The following SYDE1 variants were observed in gnomAD, a reference collection of about 807,000 sequenced individuals.
SYDE1 encodes synapse defective Rho GTPase activating protein 1, also known as rho GTPase-activating protein SYDE1.
Under a neutral mutation model 63.3 loss-of-function variants are expected in SYDE1, and 34 were observed. The ratio of observed to expected loss-of-function variants is 0.54; its 90% CI spans 0.41 to 0.71. The LOEUF (loss-of-function observed/expected upper bound fraction) is 0.71, where lower values mean the gene tolerates loss of function less well. Ranked by LOEUF, SYDE1 falls within the 30% of genes least tolerant of loss-of-function variation. The probability of loss-of-function intolerance (pLI) is 0.00; values close to 1 mark genes in which losing one functional copy is unlikely to be tolerated. For synonymous variants in SYDE1, 467 were observed against 473.4 expected (o/e 0.99, Z 0.18); for missense variants, 925 against 1,042.5 (o/e 0.89, Z 1.55).
At position 15,109,382 on chromosome 19, in the gene SYDE1, G is replaced by A. The variant is rs767987756; in HGVS notation, c.415G>A (p.Gly139Ser). The change falls in exon 2 of 8, where the codon GGC (glycine) becomes AGC (serine). Residue 139 changes from glycine (G) to serine (S), a missense_variant. Physicochemically the swap from Gly to Ser is moderately conservative, Grantham distance 56 (BLOSUM62 0). Coordinates refer to ENST00000342784, the MANE Select transcript of SYDE1 (RefSeq NM_033025.6). This position sits in a 1 kb window ranked among gnomAD's most constrained non-coding sequence, Gnocchi z 5.0. ...ACAGCCTGGCTCAGCTGAGTCAGAG[G>A]GCCTGGCCCCCCAAGGTAAGAACAA... ...GPQPGSAESEGLAPQGAAPAS... is the reference protein window; with the variant it reads ...GPQPGSAESESLAPQGAAPAS... The A allele has an allele frequency of 1.9e-6, 3 of 1,551,498 alleles. No individual in the cohort carries two copies. The highest frequency in any genetic ancestry group is 2.6e-6 in the Non-Finnish European group (3 of 1,150,704).
Position 15,107,418 on chromosome 19 carries a change from C to T in SYDE1, c.-16C>T, listed in dbSNP as rs1284423180. 2.3e-6 allele frequency: 3 copies of T among 1,295,358 alleles called. No individual in the cohort carries two copies. Among genetic ancestry groups the T allele is most frequent in the Non-Finnish European group, 1.0e-6 (1 of 991,986 alleles). The allele number at this position is 1,295,358 out of a possible 1,614,324, so 80.2% of individuals were successfully genotyped here. A position where few individuals can be genotyped will look rare whatever the true frequency, so the allele number is the denominator to read the frequency against. ...CCCGGGGCGCGCACTCGGCTCGGCC[C>T]GGCCCGGGCCGCAGCATGGCCGAGC... On this transcript the variant is annotated 5_prime_UTR_variant, in exon 1 of 8. Coordinates refer to ENST00000342784, the MANE Select transcript of SYDE1 (RefSeq NM_033025.6).
chr19:15,107,463 C>A lies in SYDE1; in HGVS notation c.30C>A (p.Phe10Leu), dbSNP rs762803794. 4 of 1,522,814 alleles carry A rather than the reference C, an allele frequency of 2.6e-6. No individual in the cohort carries two copies. In the East Asian group the frequency reaches 1.0e-4, roughly 39 times the overall value. The allele number at this position is 1,522,814 out of a possible 1,614,324, so 94.3% of individuals were successfully genotyped here. MAEPLLRKT[F>L]SRLRGREKLP... is the part of the protein sequence containing the mutation. ...CCGAGCCGCTACTCAGGAAAACCTT[C>A]TCCCGCCTGCGGGGCCGGGAGAAAC... Residue 10 changes from phenylalanine to leucine, a missense_variant, in exon 1 of 8, where the codon TTC (phenylalanine) becomes TTA (leucine). By Grantham distance (22) the Phe-to-Leu change is conservative. This residue lies in a region of SYDE1 where 599 missense variants were observed against 653.7 expected (regional missense o/e 0.92). Transcript: ENST00000342784.
At position 15,111,313 on chromosome 19, in the gene SYDE1, G is replaced by A. The variant is rs2046344294; in HGVS notation, c.1291G>A (p.Val431Ile). The A allele has an allele frequency of 6.2e-7, 1 of 1,614,110 alleles. No individual in the cohort carries two copies. Among genetic ancestry groups the A allele is most frequent in the East Asian group, 2.2e-5 (1 of 44,872 alleles). Residue 431 changes from valine to isoleucine, a missense_variant and splice_region_variant, in exon 5 of 8, where the codon GTA becomes ATA. By Grantham distance (29) the Val-to-Ile change is conservative. This residue lies in a region of SYDE1 where 599 missense variants were observed against 653.7 expected (regional missense o/e 0.92). Coordinates refer to ENST00000342784, the MANE Select transcript of SYDE1 (RefSeq NM_033025.6). The surrounding 1 kb of genome is among the most constrained non-coding windows in gnomAD (Gnocchi z 5.5). The part of the protein sequence containing the change: ...VGQIERRGLR[V>I]VGLYRLCGSA... Reference sequence around the variant, plus strand: ...ATTCACTCTCTCTTCCCACCCCCAGGTAGTGGGACTGTACCGTCTTTGTGG... The same window carrying A: ...ATTCACTCTCTCTTCCCACCCCCAGATAGTGGGACTGTACCGTCTTTGTGG...
rs1440506602 is a variant in SYDE1, at chr19:15,114,142, G to C, written c.*179G>C. ...ACTCATTCCCAGTTTCCAGGGCCCG[G>C]TATTTGGACACTAGTTGCCAAGTCT... On this transcript the variant is annotated 3_prime_UTR_variant, in exon 8 of 8. Transcript: ENST00000342784. The C allele has an allele frequency of 1.6e-6, 1 of 627,220 alleles. No homozygotes were observed. Among genetic ancestry groups the C allele is most frequent in the South Asian group, 2.0e-5 (1 of 49,280 alleles). The allele number at this position is 627,220 out of a possible 1,614,324, so 38.9% of individuals were successfully genotyped here. A position where few individuals can be genotyped will look rare whatever the true frequency, so the allele number is the denominator to read the frequency against.
At position 15,114,115 on chromosome 19, in the gene SYDE1, A is replaced by G; in HGVS notation, c.*152A>G. On this transcript the variant is annotated 3_prime_UTR_variant, in exon 8 of 8. Transcript: ENST00000342784. ...ACGGGACCAGTCGCGTGTATGGCTG[A>G]GACTCATTCCCAGTTTCCAGGGCCC... is the stretch of plus-strand genomic sequence containing the variant. 1.4e-6 allele frequency: 1 copy of G among 739,352 alleles called. No individual in the cohort carries two copies. The highest frequency in any genetic ancestry group is 2.2e-6 in the Non-Finnish European group (1 of 454,614). 45.8% of individuals were successfully genotyped at this position (739,352 alleles called of 1,614,324 possible).
Position 15,114,102 on chromosome 19 carries a change from G to A in SYDE1, c.*139G>A, listed in dbSNP as rs1038867594. ...CCAGCGAGTTACCACGGGACCAGTCGCGTGTATGGCTGAGACTCATTCCCA... is the reference window on the plus strand; with the variant it reads ...CCAGCGAGTTACCACGGGACCAGTCACGTGTATGGCTGAGACTCATTCCCA... On this transcript the variant is annotated 3_prime_UTR_variant, in exon 8 of 8. Coordinates refer to ENST00000342784, the MANE Select transcript of SYDE1 (RefSeq NM_033025.6). 16 of 808,078 alleles carry A rather than the reference G, an allele frequency of 2.0e-5. No homozygotes were observed. Among genetic ancestry groups the A allele is most frequent in the South Asian group, 3.4e-5 (2 of 59,394 alleles). 50.1% of individuals were successfully genotyped at this position (808,078 alleles called of 1,614,324 possible). A position where few individuals can be genotyped will look rare whatever the true frequency, so the allele number is the denominator to read the frequency against.
chr19:15,112,383 TCTC>T lies in SYDE1; in HGVS notation c.1622_1624del (p.Ser541del). The T allele has an allele frequency of 6.3e-7, 1 of 1,589,930 alleles. No homozygotes were observed. Among genetic ancestry groups the T allele is most frequent in the Non-Finnish European group, 8.6e-7 (1 of 1,168,084 alleles). On this transcript the variant is annotated inframe_deletion, in exon 7 of 8. Coordinates refer to ENST00000342784, the MANE Select transcript of SYDE1 (RefSeq NM_033025.6). ...CTTCTCCTGGACCACCTGCGCCTCGTCTCCTCCTTCCATGCCTACAACCGCATG... is the reference window on the plus strand; with the variant it reads ...CTTCTCCTGGACCACCTGCGCCTCGTCTCCTTCCATGCCTACAACCGCATG...
rs1294618872 is a variant in SYDE1 at position 15,109,908 on chromosome 19, G to A, written c.635G>A (p.Gly212Asp). The A allele has an allele frequency of 3.4e-6, 5 of 1,466,252 alleles. No homozygotes were observed. Among genetic ancestry groups the A allele is most frequent in the East Asian group, 5.3e-5 (2 of 37,684 alleles). 90.8% of individuals were successfully genotyped at this position (1,466,252 alleles called of 1,614,324 possible). The change falls in exon 3 of 8, where the codon GGC becomes GAC. Residue 212 changes from glycine to aspartate, a missense_variant. By Grantham distance (94) the Gly-to-Asp change is moderately conservative. This residue lies in a region of SYDE1 where 599 missense variants were observed against 653.7 expected (regional missense o/e 0.92). Transcript: ENST00000342784. The surrounding 1 kb of genome is among the most constrained non-coding windows in gnomAD (Gnocchi z 5.0). ...TACCACCTGGACAGCAGCGTGGGGG[G>A]CCCCGGGCCGGCAGCAGGGCCTGGG... is the stretch of plus-strand genomic sequence containing the variant. ...SRYHLDSSVG[G>D]PGPAAGPGGT...
In SYDE1 at chr19:15,110,984, G is replaced by A. The variant is rs1171679805; in HGVS notation, c.1290+249G>A. On this transcript the variant is annotated intron_variant, in intron 4 of 7. Coordinates refer to ENST00000342784, the MANE Select transcript of SYDE1 (RefSeq NM_033025.6). This position sits in a 1 kb window ranked among gnomAD's most constrained non-coding sequence, Gnocchi z 6.9. ...CAGAGTCTGATGGGGGAAAAGATAC[G>A]ACTCTAGTCATTCACAAATGTAAAA... is the stretch of plus-strand genomic sequence containing the variant. Among the ~76,000 whole-genome samples, 2 of 152,176 alleles carry A rather than the reference G, an allele frequency of 1.3e-5. No individual in the cohort carries two copies. The highest frequency in any genetic ancestry group is 6.5e-5 in the Admixed American group (1 of 15,280).
rs1014103722 is a variant in SYDE1, at chr19:15,108,481, G to A, written c.89-575G>A. On this transcript the variant is annotated intron_variant, in intron 1 of 7. Coordinates refer to ENST00000342784, the MANE Select transcript of SYDE1 (RefSeq NM_033025.6). The surrounding 1 kb of genome is among the most constrained non-coding windows in gnomAD (Gnocchi z 4.3). Reference sequence around the variant, plus strand: ...GGACAAGGGCCCATCCCAGGATGGCGACAGAGTTTGGAAGACAGGAGGGAG... The same window carrying A: ...GGACAAGGGCCCATCCCAGGATGGCAACAGAGTTTGGAAGACAGGAGGGAG... Among the ~76,000 whole-genome samples the A allele has an allele frequency of 2.6e-5, 4 of 152,272 alleles. No individual in the cohort carries two copies. Among genetic ancestry groups the A allele is most frequent in the African/African-American group, 4.8e-5 (2 of 41,550 alleles).
Position 15,109,478 on chromosome 19 carries a change from C to T in SYDE1, c.430+81C>T, listed in dbSNP as rs1272924636. 3 of 1,428,886 alleles carry T rather than the reference C, an allele frequency of 2.1e-6. No individual in the cohort carries two copies. The African/African-American group carries it at 4.3e-5, about 21-fold the overall frequency. The allele number at this position is 1,428,886 out of a possible 1,614,324, so 88.5% of individuals were successfully genotyped here. A position where few individuals can be genotyped will look rare whatever the true frequency, so the allele number is the denominator to read the frequency against. On this transcript the variant is annotated intron_variant, in intron 2 of 7. Coordinates refer to ENST00000342784, the MANE Select transcript of SYDE1 (RefSeq NM_033025.6). The surrounding 1 kb of genome is among the most constrained non-coding windows in gnomAD (Gnocchi z 5.0). ...TCCCTTCAGGGTAGCACCAGCCTCA[C>T]ACTCCCTCCTCCCAGAGGAGCACCA... is the stretch of plus-strand genomic sequence containing the variant.
At chr19:15,113,466 GCTTTC>G in intron 7 of SYDE1, 89 bp from the exon 8 acceptor site, 1 of 1,428,776 alleles carries the variant, frequency 7.0e-7, no homozygotes, top group Non-Finnish European at 9.3e-7. Context: ...GTCGAAGGCC[GCTTTC>G]CACAGGCCAA....
At chr19:15,112,076 A>T (rs1244054834) in intron 6 of SYDE1, among the ~76,000 whole-genome samples, 1 of 152,138 alleles carries the variant, frequency 6.6e-6, no homozygotes, top group East Asian at 1.9e-4. Context: ...GACAAGTCCC[A>T]TCCCTCTCTG....
In SYDE1 at chr19:15,111,577, T is replaced by C. The variant is rs1333185460; in HGVS notation, c.1418-55T>C. The C allele has an allele frequency of 1.9e-6, 3 of 1,608,974 alleles. No homozygotes were observed. The highest frequency in any genetic ancestry group is 2.5e-6 in the Non-Finnish European group (3 of 1,177,316). ...CTCCTCTTCCCCCTTAGCTGTGCCC[T>C]CCTTAGCCTTAGAAGCCAGTGGTGC... On this transcript the variant is annotated intron_variant, in intron 5 of 7. Transcript: ENST00000342784. The surrounding 1 kb of genome is among the most constrained non-coding windows in gnomAD (Gnocchi z 5.5).
At position 15,108,888 on chromosome 19, in the gene SYDE1, T is replaced by C. The variant is rs1160914145; in HGVS notation, c.89-168T>C. 1.8e-6 allele frequency: 2 copies of C among 1,121,174 alleles called. No homozygotes were observed. Among genetic ancestry groups the C allele is most frequent in the Admixed American group, 3.3e-5 (1 of 30,408 alleles). 69.5% of individuals were successfully genotyped at this position (1,121,174 alleles called of 1,614,324 possible). On this transcript the variant is annotated intron_variant, in intron 1 of 7. Transcript: ENST00000342784. The surrounding 1 kb of genome is among the most constrained non-coding windows in gnomAD (Gnocchi z 4.3). ...GCTCTAAGCTGATAACTGAGATCGC[T>C]AGCCTGTGGCTGCCTATTCCAAACA...
In SYDE1 at chr19:15,109,538, C is replaced by G. The variant is rs935062511; in HGVS notation, c.430+141C>G. The stretch of plus-strand genomic sequence containing the variant: ...TCCTTCCCTTCAGGGGAGCACCAGC[C>G]TCACATCCCCACCCCGTCAGATGCT... On this transcript the variant is annotated intron_variant, in intron 2 of 7. Coordinates refer to ENST00000342784, the MANE Select transcript of SYDE1 (RefSeq NM_033025.6). The surrounding 1 kb of genome is among the most constrained non-coding windows in gnomAD (Gnocchi z 5.0). 1 of 1,087,508 alleles carries G rather than the reference C, an allele frequency of 9.2e-7. No homozygotes were observed. Among genetic ancestry groups the G allele is most frequent in the African/African-American group, 1.6e-5 (1 of 62,600 alleles). The allele number at this position is 1,087,508 out of a possible 1,614,324, so 67.4% of individuals were successfully genotyped here. A position where few individuals can be genotyped will look rare whatever the true frequency, so the allele number is the denominator to read the frequency against.
At position 15,110,819 on chromosome 19, in the gene SYDE1, C is replaced by G. The variant is rs942289154; in HGVS notation, c.1290+84C>G. The G allele has an allele frequency of 2.7e-5, 33 of 1,244,448 alleles. No individual in the cohort carries two copies. In the Admixed American group the frequency reaches 4.8e-4, roughly 18 times the overall value. The allele number at this position is 1,244,448 out of a possible 1,614,324, so 77.1% of individuals were successfully genotyped here. The stretch of plus-strand genomic sequence containing the variant: ...CACCCTATGTACAGATGCCAGACCC[C>G]TACCCCCAGGCCTGAGCCACTCCTA... On this transcript the variant is annotated intron_variant, in intron 4 of 7. Coordinates refer to ENST00000342784, the MANE Select transcript of SYDE1 (RefSeq NM_033025.6). The surrounding 1 kb of genome is among the most constrained non-coding windows in gnomAD (Gnocchi z 6.9).
chr19:15,110,789 C>A lies in SYDE1; in HGVS notation c.1290+54C>A. The stretch of plus-strand genomic sequence containing the variant: ...GGCCCCCAGACCTCAGACCACTCTT[C>A]AGGACACCCTATGTACAGATGCCAG... On this transcript the variant is annotated intron_variant, in intron 4 of 7. Transcript: ENST00000342784. This position sits in a 1 kb window ranked among gnomAD's most constrained non-coding sequence, Gnocchi z 6.9. 7.1e-7 allele frequency: 1 copy of A among 1,418,426 alleles called. No homozygotes were observed. Among genetic ancestry groups the A allele is most frequent in the Non-Finnish European group, 9.5e-7 (1 of 1,055,024 alleles). 87.9% of individuals were successfully genotyped at this position (1,418,426 alleles called of 1,614,324 possible). A position where few individuals can be genotyped will look rare whatever the true frequency, so the allele number is the denominator to read the frequency against.
chr19:15,114,939 T>A lies in SYDE1; in HGVS notation c.*976T>A, dbSNP rs542607265. On this transcript the variant is annotated 3_prime_UTR_variant, in exon 8 of 8. Transcript: ENST00000342784. ...CTGTCTCCCTCTTCTTTTCCGCACCTCCATCTTTGTGGATAATAAATAAAT... is the reference window on the plus strand; with the variant it reads ...CTGTCTCCCTCTTCTTTTCCGCACCACCATCTTTGTGGATAATAAATAAAT... 1.1e-4 allele frequency: 49 copies of A among 427,082 alleles called. No individual in the cohort carries two copies. The highest frequency in any genetic ancestry group is 7.6e-4 in the Admixed American group (21 of 27,544). The allele number at this position is 427,082 out of a possible 1,614,324, so 26.5% of individuals were successfully genotyped here. A position where few individuals can be genotyped will look rare whatever the true frequency, so the allele number is the denominator to read the frequency against.
Sources: gnomAD v4.1 joint callset for allele counts (sites outside exome capture counted in the v4.1 genomes callset) on GRCh38, gnomAD v4.1.1 for gene constraint, gnomAD v4.1.1 regional missense constraint, Gnocchi (gnomAD v3.1) non-coding constraint, MANE v1.5 for transcripts, NCBI Gene and HGNC (gene_info 2026-07-23, HGNC 2026-07-21) for gene names.